Variants in RARB observed in about 807,000 individuals in gnomAD.
The protein encoded by RARB is HBV-activated protein.
RARB carries 17 observed loss-of-function variants against 51.9 expected under a neutral mutation model. That is an observed-to-expected ratio of 0.33 (90% CI 0.22 to 0.49). The LOEUF (loss-of-function observed/expected upper bound fraction) is 0.49. Ranked by LOEUF, RARB falls within the 20% of genes least tolerant of loss-of-function variation. The pLI, the probability that RARB is intolerant of heterozygous loss-of-function variation, is 0.99. For synonymous variants in RARB, 215 were observed against 195.4 expected (o/e 1.10, Z -0.84); for missense variants, 369 against 550.8 (o/e 0.67, Z 3.30).
chr3:25,397,403 A>G (rs1400416753), intron 5 of RARB, among the ~76,000 whole-genome samples: 1 of 152,186 alleles, frequency 6.6e-6, no homozygotes, highest in African/African-American at 2.4e-5. Context: ...CACAGAGTTT[A>G]CAGTGGCAAG....
Position 25,176,914 on chromosome 3 carries a change from C to T in RARB, c.178+2339C>T, listed in dbSNP as rs76336037. Among the ~76,000 whole-genome samples the T allele has an allele frequency of 4.7e-3, 718 of 152,190 alleles. 9 individuals carry two copies. The East Asian group carries it at 0.05, about 11-fold the overall frequency. On this transcript the variant is annotated intron_variant, in intron 5 of 11. Coordinates refer to the RARB transcript ENST00000383772. ...TTATATAGTGGCAATTGAATAGATT[C>T]AACCTTTGAAAAGCGAGGGTTTGAA... is the stretch of plus-strand genomic sequence containing the variant.
intron 5 of RARB, among the ~76,000 whole-genome samples, chr3:25,364,449 G>A (rs891341587): frequency 1.3e-5 from 2 of 152,190 alleles, no homozygotes; most frequent in African/African-American, 4.8e-5. Flanking sequence ...CAAAATGTGG[G>A]CTTCACACTC....
At chr3:24,878,413 C>T (rs1404150767) in intron 2 of RARB, among the ~76,000 whole-genome samples, 1 of 151,496 alleles carries the variant, frequency 6.6e-6, no homozygotes, top group Non-Finnish European at 1.5e-5. Flanking sequence ...ACATGCTTTC[C>T]TCAGATACTG....
At chr3:25,538,903 A>G (rs886609925) in intron 3 of RARB, among the ~76,000 whole-genome samples, 1 of 152,234 alleles carries the variant, frequency 6.6e-6, no homozygotes, top group African/African-American at 2.4e-5. Context: ...TTGATGTCAC[A>G]TTTTAGTTCC....
intron 5 of RARB, among the ~76,000 whole-genome samples, chr3:25,585,732 G>A (rs979419246): frequency 6.6e-6 from 1 of 152,196 alleles, no homozygotes; most frequent in African/African-American, 2.4e-5. Flanking sequence ...GGTTGCCCTT[G>A]TAAAAGAGCC....
At chr3:25,043,311 CAG>C (rs1698149405) in intron 2 of RARB, among the ~76,000 whole-genome samples, 1 of 152,196 alleles carries the variant, frequency 6.6e-6, no homozygotes, top group Non-Finnish European at 1.5e-5. Context: ...CCATTCTTAA[CAG>C]ACTCATTTAT....
chr3:25,158,602 A>G (rs959534372), intron 4 of RARB, among the ~76,000 whole-genome samples: 1 of 152,252 alleles, frequency 6.6e-6, no homozygotes, highest in African/African-American at 2.4e-5. Context: ...AGTCTAGTCA[A>G]TAGGGGCAGA....
intron 2 of RARB, among the ~76,000 whole-genome samples, chr3:24,982,554 C>A (rs1485741795): frequency 6.6e-6 from 1 of 152,182 alleles, no homozygotes; most frequent in East Asian, 1.9e-4. Flanking sequence ...AGCTGGGTCC[C>A]TCCATCTTTG....
intron 2 of RARB, among the ~76,000 whole-genome samples, chr3:24,962,041 T>G (rs1696153245): frequency 6.7e-6 from 1 of 148,340 alleles, no homozygotes; most frequent in Non-Finnish European, 1.5e-5. Flanking sequence ...GCCATTCTCC[T>G]TCCTCAGCCT....
rs182786678 is a variant in RARB, at chr3:25,102,112, C to A, written c.-327-30049C>A. On this transcript the variant is annotated intron_variant, in intron 3 of 11. Coordinates refer to the RARB transcript ENST00000383772. ...AGGTGCCATAAATTAGGTACCACTCCCAGGCTAGTCTGGGCCAGAGCTCCC... is the reference window on the plus strand; with the variant it reads ...AGGTGCCATAAATTAGGTACCACTCACAGGCTAGTCTGGGCCAGAGCTCCC... Among the ~76,000 whole-genome samples, 404 of 152,196 alleles carry A rather than the reference C, an allele frequency of 2.7e-3. 4 individuals carry two copies. The highest frequency in any genetic ancestry group is 7.9e-3 in the African/African-American group (329 of 41,522).
At chr3:25,335,092 G>A (rs1012032054) in intron 5 of RARB, among the ~76,000 whole-genome samples, 8 of 152,102 alleles carry the variant, frequency 5.3e-5, no homozygotes, top group African/African-American at 1.9e-4. Context: ...GGCTGACCCT[G>A]GGCAACTTCT....
chr3:25,329,469 T>C (rs557963272), intron 5 of RARB, among the ~76,000 whole-genome samples: 2 of 152,180 alleles, frequency 1.3e-5, no homozygotes, highest in South Asian at 4.1e-4. Flanking sequence ...GGAAAACTAA[T>C]AAACAGAAAG....
intron 5 of RARB, among the ~76,000 whole-genome samples, chr3:25,223,033 G>A (rs181583466): frequency 7.2e-5 from 11 of 152,250 alleles, no homozygotes; most frequent in Non-Finnish European, 1.6e-4. Context: ...TTATCGAGGT[G>A]TAATTTACAG....
At chr3:25,044,241 T>C (rs1236447948) in intron 2 of RARB, among the ~76,000 whole-genome samples, 1 of 152,130 alleles carries the variant, frequency 6.6e-6, no homozygotes, top group Non-Finnish European at 1.5e-5. Context: ...AGCTGCAACA[T>C]TTGATGTATG....
At chr3:25,325,250 A>C (rs1381753784) in intron 5 of RARB, among the ~76,000 whole-genome samples, 1 of 152,080 alleles carries the variant, frequency 6.6e-6, no homozygotes, top group South Asian at 2.1e-4. Flanking sequence ...AGTGTCTCTC[A>C]GCATGCTAAT....
At chr3:25,442,304 T>TC (rs1279702028) in intron 1 of RARB, among the ~76,000 whole-genome samples, 18 of 151,942 alleles carry the variant, frequency 1.2e-4, no homozygotes, top group Admixed American at 6.6e-5. Flanking sequence ...CCCAGCTAAT[T>TC]TTTGTGTTTT....
chr3:25,417,120 T>C (rs1242797794), intron 5 of RARB, among the ~76,000 whole-genome samples: 1 of 151,720 alleles, frequency 6.6e-6, no homozygotes, highest in African/African-American at 2.4e-5. Flanking sequence ...TAGAAGCCGC[T>C]GGTAATGTTC....
chr3:25,531,372 GTAGA>G (rs1239202273), intron 3 of RARB, among the ~76,000 whole-genome samples: 6 of 131,616 alleles, frequency 4.6e-5, no homozygotes, highest in Non-Finnish European at 7.7e-5. Flanking sequence ...AGATAGATAG[GTAGA>G]TAGATAGATA....
intron 3 of RARB, among the ~76,000 whole-genome samples, chr3:25,517,195 C>T (rs924732670): frequency 1.3e-5 from 2 of 152,030 alleles, no homozygotes; most frequent in African/African-American, 4.8e-5. Context: ...TATTAGGAAA[C>T]CCTCACCCTC....
Sources: gnomAD v4.1 joint callset for allele counts (sites outside exome capture counted in the v4.1 genomes callset) on GRCh38, gnomAD v4.1.1 for gene constraint, MANE v1.5 for transcripts, NCBI Gene and HGNC (gene_info 2026-07-23, HGNC 2026-07-21) for gene names.